Variants in AGBL1 observed in about 807,000 individuals in gnomAD.
AGBL1 encodes the protein AGBL carboxypeptidase 1.
A neutral mutation model predicts 118.9 loss-of-function variants in AGBL1; 130 were observed. That is an observed-to-expected ratio of 1.09 (90% CI 0.95 to 1.26). AGBL1 has a LOEUF of 1.26. Ranked by LOEUF, AGBL1 falls within the 50% of genes most tolerant of loss-of-function variation. The probability of loss-of-function intolerance (pLI) is 0.00; values close to 1 mark genes in which losing one functional copy is unlikely to be tolerated. For synonymous variants in AGBL1, 555 were observed against 478.9 expected (o/e 1.16, Z -2.08); for missense variants, 1,584 against 1,298.1 (o/e 1.22, Z -3.38).
intron 19 of AGBL1, among the ~76,000 whole-genome samples, chr15:86,534,974 C>T (rs995144725): frequency 6.6e-6 from 1 of 152,128 alleles, no homozygotes; most frequent in African/African-American, 2.4e-5. Context: ...TACACAAAAA[C>T]TCATTGAACT....
At chr15:86,202,619 A>G (rs1003320107) in intron 5 of AGBL1, among the ~76,000 whole-genome samples, 1 of 152,224 alleles carries the variant, frequency 6.6e-6, no homozygotes, top group African/African-American at 2.4e-5. Context: ...CAAACAGGGC[A>G]GAAGCTTTCA....
chr15:86,989,098 T>G (rs545522175), intron 24 of AGBL1, among the ~76,000 whole-genome samples: 6 of 151,838 alleles, frequency 4.0e-5, no homozygotes, highest in African/African-American at 1.4e-4. Context: ...ATCCTCCTGC[T>G]TCAAATGATC....
chr15:86,793,738 A>G (rs1157343177), intron 22 of AGBL1, among the ~76,000 whole-genome samples: 1 of 152,216 alleles, frequency 6.6e-6, no homozygotes, highest in Non-Finnish European at 1.5e-5. Context: ...TCTAGTATCC[A>G]GAATATACAT....
At chr15:86,464,295 C>A (rs1454984566) in intron 18 of AGBL1, among the ~76,000 whole-genome samples, 2 of 152,108 alleles carry the variant, frequency 1.3e-5, no homozygotes, top group Non-Finnish European at 2.9e-5. Context: ...ATTTTGTATC[C>A]TGAGACTTTG....
At position 86,613,235 on chromosome 15, in the gene AGBL1, C is replaced by A. The variant is rs765910660; in HGVS notation, c.2994+58698C>A. On this transcript the variant is annotated intron_variant, in intron 21 of 22. Coordinates refer to ENST00000614907, the MANE Select transcript of AGBL1 (RefSeq NM_001386094.1). This position sits in a 1 kb window ranked among gnomAD's most constrained non-coding sequence, Gnocchi z 4.2. ...GAAGAAAACAAATTAAAGCAGGAAT[C>A]GGAGCGAGAGGTTTGTTGGTTTTGG... 6.6e-6 allele frequency among the ~76,000 whole-genome samples: 1 copy of A among 152,166 alleles called. No individual in the cohort carries two copies. Among genetic ancestry groups the A allele is most frequent in the Non-Finnish European group, 1.5e-5 (1 of 68,026 alleles).
At chr15:86,610,820 C>A (rs1484848253) in intron 21 of AGBL1, among the ~76,000 whole-genome samples, 1 of 152,052 alleles carries the variant, frequency 6.6e-6, no homozygotes, top group East Asian at 1.9e-4. Flanking sequence ...ACTTTCTTGC[C>A]TTTTGTCTTT....
Position 86,713,470 on chromosome 15 carries a change from G to T in AGBL1, c.3158+39034G>T, listed in dbSNP as rs1156880065. 3.3e-5 allele frequency among the ~76,000 whole-genome samples: 5 copies of T among 152,136 alleles called. No individual in the cohort carries two copies. In the South Asian group the frequency reaches 8.3e-4, roughly 25 times the overall value. On this transcript the variant is annotated intron_variant, in intron 22 of 22. Transcript: ENST00000614907. ...TAAACATAATCCCACTCTTGGTCTG[G>T]ACTGCATGGTTGTTACAATTATAAG... is the stretch of plus-strand genomic sequence containing the variant.
intron 16 of AGBL1, among the ~76,000 whole-genome samples, chr15:86,286,399 C>G (rs745962038): frequency 1.3e-5 from 2 of 149,184 alleles, no homozygotes; most frequent in African/African-American, 2.4e-5. Flanking sequence ...AATAGATGAC[C>G]AGACGTTATT....
chr15:86,419,144 C>T (rs990190371), intron 18 of AGBL1, among the ~76,000 whole-genome samples: 13 of 151,614 alleles, frequency 8.6e-5, no homozygotes, highest in South Asian at 6.3e-4. Flanking sequence ...AGGGGTTAAA[C>T]GGCAAAATTT....
chr15:86,821,792 T>C (rs1454225306), intron 22 of AGBL1, among the ~76,000 whole-genome samples: 1 of 152,198 alleles, frequency 6.6e-6, no homozygotes, highest in African/African-American at 2.4e-5. Flanking sequence ...AGGTAGTGTT[T>C]CACACACCTT....
intron 23 of AGBL1, among the ~76,000 whole-genome samples, chr15:86,945,669 T>C (rs1356654955): frequency 6.6e-6 from 1 of 152,170 alleles, no homozygotes; most frequent in Admixed American, 6.5e-5. Flanking sequence ...TGAGACCCCA[T>C]CTCAAAAAAG....
chr15:86,080,127 C>A, intron 1 of AGBL1, 104 bp downstream of exon 1: 2 of 913,498 alleles, frequency 2.2e-6, no homozygotes, highest in South Asian at 5.5e-5. Context: ...GTCACTGGCC[C>A]AGTTTGTTAA....
intron 21 of AGBL1, among the ~76,000 whole-genome samples, chr15:86,616,638 A>C (rs2084731386): frequency 6.6e-6 from 1 of 152,122 alleles, no homozygotes. Context: ...GAGTCACTTG[A>C]TGTTTCTATA....
intron 22 of AGBL1, among the ~76,000 whole-genome samples, chr15:86,703,840 CT>C (rs911077057): frequency 2.0e-5 from 3 of 151,690 alleles, no homozygotes; most frequent in Non-Finnish European, 4.4e-5. Context: ...AATTAAATCT[CT>C]TTTTTTTAGA....
intron 21 of AGBL1, among the ~76,000 whole-genome samples, chr15:86,672,539 C>A (rs2085765001): frequency 6.6e-6 from 1 of 152,138 alleles, no homozygotes; most frequent in Non-Finnish European, 1.5e-5. Flanking sequence ...TACTCTCATT[C>A]CCCTTCTCGC....
chr15:86,883,842 C>T (rs1191761184), intron 22 of AGBL1, among the ~76,000 whole-genome samples: 1 of 151,912 alleles, frequency 6.6e-6, no homozygotes, highest in Non-Finnish European at 1.5e-5. Context: ...AATTTTAGTG[C>T]ATTTAGGATT....
Position 86,847,026 on chromosome 15 carries a change from G to C in AGBL1, c.3159-60061G>C, listed in dbSNP as rs2079329226. Reference sequence around the variant, plus strand: ...ATCTATCTTTAAATTTTCTGATTATGTCTTCTAACATTTTAATTCTACTAT... The same window carrying C: ...ATCTATCTTTAAATTTTCTGATTATCTCTTCTAACATTTTAATTCTACTAT... On this transcript the variant is annotated intron_variant, in intron 22 of 22. Transcript: ENST00000614907. Among the ~76,000 whole-genome samples, 5 of 151,870 alleles carry C rather than the reference G, an allele frequency of 3.3e-5. 1 individual carries two copies. The South Asian group carries it at 1.0e-3, about 32-fold the overall frequency.
intron 21 of AGBL1, among the ~76,000 whole-genome samples, chr15:86,630,843 G>C (rs780665131): frequency 6.6e-6 from 1 of 152,188 alleles, no homozygotes; most frequent in Non-Finnish European, 1.5e-5. Context: ...GTAAGTAAAA[G>C]CAAATGAACC....
At chr15:86,674,531 T>C (rs2142550757) in intron 22 of AGBL1, 95 bp downstream of exon 22, 1 of 1,264,370 alleles carries the variant, frequency 7.9e-7, no homozygotes. Flanking sequence ...TAGGGGTCTT[T>C]ACACAGAGAA....
Sources: gnomAD v4.1 joint callset for allele counts (sites outside exome capture counted in the v4.1 genomes callset) on GRCh38, gnomAD v4.1.1 for gene constraint, Gnocchi (gnomAD v3.1) non-coding constraint, MANE v1.5 for transcripts, NCBI Gene and HGNC (gene_info 2026-07-23, HGNC 2026-07-21) for gene names.